Variants in ATP2C2 observed in about 807,000 individuals in gnomAD.
ATP2C2 encodes calcium-transporting ATPase type 2C member 2.
In ATP2C2, 171 loss-of-function variants were observed where a neutral mutation model predicts 110.8. The observed-to-expected ratio is 1.54, with a 90% CI of 1.36 to 1.75. The LOEUF is 1.75. Among genes scored for constraint, ATP2C2 ranks in the 40% most tolerant of loss-of-function variants. The probability of loss-of-function intolerance (pLI) is 0.00; values close to 1 mark genes in which losing one functional copy is unlikely to be tolerated. For synonymous variants in ATP2C2, 804 were observed against 508.4 expected (o/e 1.58, Z -7.82); for missense variants, 1,963 against 1,235.0 (o/e 1.59, Z -8.84).
intron 1 of ATP2C2, among the ~76,000 whole-genome samples, chr16:84,392,407 C>A (rs1041812957): frequency 1.4e-4 from 21 of 152,068 alleles, no homozygotes; most frequent in African/African-American, 5.1e-4. Flanking sequence ...CAAGTGAGGT[C>A]CCAGCCTGCA....
chr16:84,371,271 C>G (rs1909939387), intron 1 of ATP2C2, among the ~76,000 whole-genome samples: 1 of 152,190 alleles, frequency 6.6e-6, no homozygotes. Context: ...CATCCCCACA[C>G]TTTGGAAGAC....
intron 17 of ATP2C2, among the ~76,000 whole-genome samples, chr16:84,450,575 G>C (rs933363660): frequency 6.6e-6 from 1 of 152,172 alleles, no homozygotes; most frequent in Non-Finnish European, 1.5e-5. Flanking sequence ...TCAGGGAGGG[G>C]AGGGGACCAT....
chr16:84,385,665 G>C (rs566020201), intron 1 of ATP2C2, among the ~76,000 whole-genome samples: 1 of 152,314 alleles, frequency 6.6e-6, no homozygotes, highest in Admixed American at 6.5e-5. Flanking sequence ...TGTCTGGGGA[G>C]GCCTCAGGAA....
chr16:84,382,621 T>C (rs1207322799), intron 1 of ATP2C2, among the ~76,000 whole-genome samples: 1 of 152,070 alleles, frequency 6.6e-6, no homozygotes, highest in Non-Finnish European at 1.5e-5. Context: ...TGGCCACATG[T>C]GGTGGCTCAC....
At chr16:84,390,374 C>G (rs1283229195) in intron 1 of ATP2C2, among the ~76,000 whole-genome samples, 1 of 152,212 alleles carries the variant, frequency 6.6e-6, no homozygotes, top group Non-Finnish European at 1.5e-5. Flanking sequence ...TCGGGAGCCT[C>G]TGGTAGGTTA....
At chr16:84,395,653 ATGCC>A (rs1390506951) in intron 1 of ATP2C2, among the ~76,000 whole-genome samples, 1 of 151,742 alleles carries the variant, frequency 6.6e-6, no homozygotes, top group Admixed American at 6.6e-5. Context: ...GAGATTACAG[ATGCC>A]TGCCACCATG....
In ATP2C2 at chr16:84,408,474, G is replaced by A; in HGVS notation, c.397G>A (p.Asp133Asn). Residue 133 changes from aspartate (D) to asparagine (N), a missense_variant, in exon 4 of 27, where the codon GAC becomes AAC. Transcript: ENST00000262429. ...GAGTGTCCTCACCAAGGAGTATGAG[G>A]ACGCCGTCAGCATCGCCACGGTGAG... ...LVSVLTKEYE[D>N]AVSIATAVLV... The A allele has an allele frequency of 6.2e-7, 1 of 1,613,508 alleles. No individual in the cohort carries two copies. The highest frequency in any genetic ancestry group is 1.1e-5 in the South Asian group (1 of 91,068).
intron 1 of ATP2C2, among the ~76,000 whole-genome samples, chr16:84,382,716 A>G (rs1187378666): frequency 1.3e-5 from 2 of 152,194 alleles, no homozygotes; most frequent in African/African-American, 4.8e-5. Flanking sequence ...CAACGTGGCA[A>G]AACCCCGTCT....
chr16:84,455,066 A>AGC, intron 21 of ATP2C2, 82 bp downstream of exon 21: 1 of 1,284,024 alleles, frequency 7.8e-7, no homozygotes, highest in Non-Finnish European at 1.1e-6. Flanking sequence ...TACTGTGGAG[A>AGC]TAGAGGGGGG....
intron 17 of ATP2C2, among the ~76,000 whole-genome samples, chr16:84,450,244 G>A (rs1221969326): frequency 6.6e-6 from 1 of 152,208 alleles, no homozygotes; most frequent in Non-Finnish European, 1.5e-5. Context: ...CTTAGAGAAG[G>A]CCTGTGCGTT....
intron 22 of ATP2C2, 28 bp from the exon 23 acceptor site, chr16:84,459,242 C>T (rs1422738713): frequency 1.2e-6 from 2 of 1,613,986 alleles, no homozygotes; most frequent in Non-Finnish European, 1.7e-6. Context: ...TGGCGGGCGG[C>T]CGCTGACTGG....
intron 7 of ATP2C2, among the ~76,000 whole-genome samples, chr16:84,420,463 CCTTT>C (rs1331390675): frequency 5.3e-5 from 7 of 133,116 alleles, no homozygotes; most frequent in East Asian, 4.0e-4. Context: ...TTGATCTCTC[CCTTT>C]CTTTCTTTTT....
At chr16:84,373,734 G>A (rs982661082) in intron 1 of ATP2C2, among the ~76,000 whole-genome samples, 3 of 151,984 alleles carry the variant, frequency 2.0e-5, no homozygotes, top group East Asian at 1.9e-4. Flanking sequence ...CTTCAATGAC[G>A]TCATTCACGT....
intron 1 of ATP2C2, among the ~76,000 whole-genome samples, chr16:84,389,288 C>G (rs1170685289): frequency 3.9e-5 from 6 of 152,220 alleles, no homozygotes; most frequent in Non-Finnish European, 7.3e-5. Flanking sequence ...TGCTTTCTCA[C>G]AATTCCTGGG....
chr16:84,408,229 AG>A (rs1905949952), intron 3 of ATP2C2, among the ~76,000 whole-genome samples, 175 bp from the exon 4 acceptor site: 1 of 152,182 alleles, frequency 6.6e-6, no homozygotes, highest in African/African-American at 2.4e-5. Flanking sequence ...GTGGAGTTCC[AG>A]GCAGAGGAGG....
intron 1 of ATP2C2, among the ~76,000 whole-genome samples, chr16:84,377,556 C>T (rs537661093): frequency 6.6e-6 from 1 of 152,166 alleles, no homozygotes; most frequent in African/African-American, 2.4e-5. Context: ...TACGGTTGTC[C>T]TCTGTGCATG....
intron 1 of ATP2C2, among the ~76,000 whole-genome samples, chr16:84,395,493 C>G (rs950967472): frequency 4.7e-5 from 7 of 150,040 alleles, no homozygotes; most frequent in African/African-American, 1.2e-4. Flanking sequence ...GAGTCTCACT[C>G]TGTTGCCCAG....
chr16:84,410,857 G>T (rs1030821521), intron 6 of ATP2C2, 92 bp downstream of exon 6: 30 of 1,293,520 alleles, frequency 2.3e-5, no homozygotes, highest in African/African-American at 2.9e-5. Context: ...TTGTATCCTT[G>T]GTAGTGTCGG....
chr16:84,439,753 T>A (rs1909075581), intron 13 of ATP2C2, among the ~76,000 whole-genome samples: 1 of 152,252 alleles, frequency 6.6e-6, no homozygotes, highest in Admixed American at 6.5e-5. Context: ...TTATTAATTA[T>A]AAGCACATTG....
Sources: gnomAD v4.1 joint callset for allele counts (sites outside exome capture counted in the v4.1 genomes callset) on GRCh38, gnomAD v4.1.1 for gene constraint, MANE v1.5 for transcripts, NCBI Gene and HGNC (gene_info 2026-07-23, HGNC 2026-07-21) for gene names.